SSUH2: variants seen among roughly 807,000 people sequenced by gnomAD.
The protein encoded by SSUH2 is ssu-2 homolog, also known as protein SSUH2 homolog.
In SSUH2, 47 loss-of-function variants were observed where a neutral mutation model predicts 55.3. The ratio of observed to expected loss-of-function variants is 0.85; its 90% CI spans 0.67 to 1.08. The LOEUF (loss-of-function observed/expected upper bound fraction) is 1.08. Ranked by LOEUF, SSUH2 falls within the 50% of genes least tolerant of loss-of-function variation. SSUH2 has a pLI of 0.00. For missense variants in SSUH2, 535 were observed against 490.7 expected, an observed-to-expected ratio of 1.09 and a Z score of -0.85; for synonymous variants, 212 against 191.5, an observed-to-expected ratio of 1.11 and a Z score of -0.89.
At chr3:8,653,824 G>A (rs1407333694) in intron 7 of SSUH2, among the ~76,000 whole-genome samples, 3 of 152,134 alleles carry the variant, frequency 2.0e-5, no homozygotes, top group Admixed American at 1.3e-4. Context: ...AACTCAGATC[G>A]GGAACAGAAC....
intron 11 of SSUH2, 100 bp from the exon 12 acceptor site, chr3:8,620,114 G>A (rs958845597): frequency 2.2e-6 from 3 of 1,338,862 alleles, no homozygotes; most frequent in South Asian, 2.9e-5. Context: ...GGTATGAAAG[G>A]TCCTGCTCTG....
chr3:8,651,642 C>A (rs992138015), intron 7 of SSUH2, among the ~76,000 whole-genome samples: 2 of 152,112 alleles, frequency 1.3e-5, no homozygotes, highest in African/African-American at 4.8e-5. Context: ...GGTACCAGAG[C>A]GATAAGTAAC....
intron 1 of SSUH2, among the ~76,000 whole-genome samples, chr3:8,638,034 C>T (rs1253527864): frequency 6.6e-6 from 1 of 152,172 alleles, no homozygotes; most frequent in Non-Finnish European, 1.5e-5. Context: ...ATTTGGCCCT[C>T]GGAGTCACGT....
At chr3:8,644,590 A>G in intron 1 of SSUH2, 141 bp downstream of exon 1, 1 of 778,844 alleles carries the variant, frequency 1.3e-6, no homozygotes, top group East Asian at 2.7e-5. Context: ...AAGAGTTCAC[A>G]CAGTGCTAGC....
intron 7 of SSUH2, among the ~76,000 whole-genome samples, chr3:8,656,491 A>T (rs59085774): frequency 0.012 from 1,823 of 152,284 alleles, 33 homozygotes; most frequent in African/African-American, 0.04. Flanking sequence ...AGCACCAGGC[A>T]GTCACTGACT....
At chr3:8,669,374 C>A (rs1005839010) in intron 5 of SSUH2, among the ~76,000 whole-genome samples, 4 of 152,096 alleles carry the variant, frequency 2.6e-5, no homozygotes, top group African/African-American at 9.7e-5. Flanking sequence ...TAAGGGAGAA[C>A]AGAAGAATTC....
At chr3:8,650,048 G>A (rs1356391683) in intron 7 of SSUH2, among the ~76,000 whole-genome samples, 1 of 152,028 alleles carries the variant, frequency 6.6e-6, no homozygotes, top group Non-Finnish European at 1.5e-5. Flanking sequence ...CAGGGCCTTT[G>A]CACTTGCTGT....
At chr3:8,663,435 T>A (rs1481784928) in intron 6 of SSUH2, among the ~76,000 whole-genome samples, 4 of 152,242 alleles carry the variant, frequency 2.6e-5, no homozygotes, top group African/African-American at 9.6e-5. Context: ...GACCCCTGTC[T>A]CTCGTCCTTT....
rs374417368 is a variant in SSUH2, at chr3:8,619,723, T to C, written c.*145A>G. 8 of 886,746 alleles carry C rather than the reference T, an allele frequency of 9.0e-6. No individual in the cohort carries two copies. Among genetic ancestry groups the C allele is most frequent in the South Asian group, 5.3e-5 (3 of 56,604 alleles). The allele number at this position is 886,746 out of a possible 1,614,324, so 54.9% of individuals were successfully genotyped here. A position where few individuals can be genotyped will look rare whatever the true frequency, so the allele number is the denominator to read the frequency against. ...AGCTGTATAAGGGGTTGGAGCTTGA[T>C]AGATGATAAGCTGGTTTTTCTGGAA... On this transcript the variant is annotated 3_prime_UTR_variant, in exon 12 of 12. Transcript: ENST00000544814.
chr3:8,633,533 C>T (rs145637858), intron 4 of SSUH2, 133 bp downstream of exon 4: 307 of 623,692 alleles, frequency 4.9e-4, no homozygotes, highest in African/African-American at 4.3e-3. Flanking sequence ...ACATCACCAC[C>T]GCTCACACTC....
intron 3 of SSUH2, 74 bp from the exon 4 acceptor site, chr3:8,633,869 T>C: frequency 6.2e-7 from 1 of 1,613,800 alleles, no homozygotes; most frequent in Non-Finnish European, 8.5e-7. Context: ...GCCAGCCTCC[T>C]CAACGTGCAG....
At position 8,633,791 on chromosome 3, in the gene SSUH2, G is replaced by A. The variant is rs945410654; in HGVS notation, c.214C>T (p.Pro72Ser). ...SWPSFLEHRV[P>S]AMTEEVAREA... The stretch of plus-strand genomic sequence containing the variant: ...CGGGCCACCTCCTCCGTCATCGCAG[G>A]GACTCTGCAGGGGACCGAACAGAGA... The change falls in exon 4 of 12, where the codon CCT (proline) becomes TCT (serine). Residue 72 changes from proline to serine, a missense_variant. By Grantham distance (74) the Pro-to-Ser change is moderately conservative (BLOSUM62 -1). Transcript: ENST00000544814. The A allele has an allele frequency of 1.3e-5, 21 of 1,613,428 alleles. No homozygotes were observed. Among genetic ancestry groups the A allele is most frequent in the Non-Finnish European group, 1.7e-5 (20 of 1,179,770 alleles).
At chr3:8,629,888 C>T (rs909706037) in intron 6 of SSUH2, among the ~76,000 whole-genome samples, 162 bp from the exon 7 acceptor site, 4 of 152,164 alleles carry the variant, frequency 2.6e-5, no homozygotes, top group Non-Finnish European at 5.9e-5. Flanking sequence ...TTCCAGAAGG[C>T]TTGACTGCAT....
chr3:8,657,539 G>A (rs921892036), intron 7 of SSUH2, among the ~76,000 whole-genome samples: 24 of 152,100 alleles, frequency 1.6e-4, no homozygotes, highest in Non-Finnish European at 4.4e-5. Context: ...GAGGTCAGAT[G>A]AGCCCACTCT....
chr3:8,660,424 G>C (rs1328565649), intron 6 of SSUH2, among the ~76,000 whole-genome samples: 1 of 152,146 alleles, frequency 6.6e-6, no homozygotes, highest in African/African-American at 2.4e-5. Flanking sequence ...TAACAGGCAA[G>C]TCAAGGGTTA....
chr3:8,649,709 G>T (rs1575270524), upstream of SSUH2, among the ~76,000 whole-genome samples: 2 of 152,074 alleles, frequency 1.3e-5, no homozygotes, highest in East Asian at 3.9e-4. Flanking sequence ...ACTCGTGCCT[G>T]AGCCCCCTGC....
At chr3:8,681,021 CAAG>C (rs1705898127) in intron 1 of SSUH2, among the ~76,000 whole-genome samples, 1 of 143,506 alleles carries the variant, frequency 7.0e-6, no homozygotes, top group Non-Finnish European at 1.6e-5. Context: ...AGGCAACCTC[CAAG>C]TGGCGGGGAC....
chr3:8,646,644 C>T (rs1196759617), upstream of SSUH2, among the ~76,000 whole-genome samples: 4 of 152,196 alleles, frequency 2.6e-5, no homozygotes, highest in Admixed American at 6.5e-5. Context: ...CTTCGGCATC[C>T]GTACAGAAGT....
At chr3:8,623,346 A>G (rs540289980) in intron 11 of SSUH2, 1 of 515,050 alleles carries the variant, frequency 1.9e-6, no homozygotes, top group African/African-American at 1.9e-5. Context: ...CCTGCGACCC[A>G]CGGTCCTTCC....
Sources: gnomAD v4.1 joint callset for allele counts (sites outside exome capture counted in the v4.1 genomes callset) on GRCh38, gnomAD v4.1.1 for gene constraint, MANE v1.5 for transcripts, NCBI Gene and HGNC (gene_info 2026-07-23, HGNC 2026-07-21) for gene names.